Variants in PSMB1 observed in about 807,000 individuals in gnomAD.
PSMB1 encodes proteasome subunit beta type-1.
In PSMB1, 7 loss-of-function variants were observed where a neutral mutation model predicts 25.4. The observed-to-expected ratio is 0.28, with a 90% CI of 0.16 to 0.52. PSMB1 has a LOEUF of 0.52. Among genes scored for constraint, PSMB1 ranks in the 20% least tolerant of loss-of-function variants. PSMB1 has a pLI of 0.97. For synonymous variants in PSMB1, 119 were observed against 115.0 expected (o/e 1.03, Z -0.22); for missense variants, 284 against 302.2 (o/e 0.94, Z 0.45).
chr6:170,551,765 C>T (rs370184522), intron 1 of PSMB1, among the ~76,000 whole-genome samples: 60 of 152,342 alleles, frequency 3.9e-4, no homozygotes, highest in African/African-American at 1.3e-3. Flanking sequence ...CACACCAGCT[C>T]TCTGACCCTG....
chr6:170,537,166 G>A, intron 5 of PSMB1, 68 bp downstream of exon 5: 3 of 1,207,372 alleles, frequency 2.5e-6, no homozygotes, highest in South Asian at 2.5e-5. Flanking sequence ...GAACTTGGAG[G>A]AAGGCACTTC....
chr6:170,535,596 C>T (rs936528588), intron 5 of PSMB1, among the ~76,000 whole-genome samples, 191 bp from the exon 6 acceptor site: 3 of 152,154 alleles, frequency 2.0e-5, no homozygotes, highest in African/African-American at 4.8e-5. Context: ...AATCTGACAA[C>T]GATTCCCTGG....
At chr6:170,546,562 T>C (rs1778821148) in intron 2 of PSMB1, among the ~76,000 whole-genome samples, 1 of 152,084 alleles carries the variant, frequency 6.6e-6, no homozygotes, top group South Asian at 2.1e-4. Flanking sequence ...GCCTCCTGGG[T>C]TCAAGCAATT....
intron 1 of PSMB1, among the ~76,000 whole-genome samples, chr6:170,550,812 G>A (rs1412653089): frequency 2.0e-5 from 3 of 149,066 alleles, no homozygotes; most frequent in Non-Finnish European, 4.4e-5. Context: ...GAACTTAGAT[G>A]AACAGAATGA....
chr6:170,543,992 T>C (rs1778786511), intron 3 of PSMB1, among the ~76,000 whole-genome samples: 1 of 152,136 alleles, frequency 6.6e-6, no homozygotes, highest in Non-Finnish European at 1.5e-5. Context: ...AGAGCTAATG[T>C]GTATGAAAGG....
Position 170,547,932 on chromosome 6 carries a change from A to T in PSMB1, c.221+1074T>A, listed in dbSNP as rs561298010. Among the ~76,000 whole-genome samples, 105 of 151,822 alleles carry T rather than the reference A, an allele frequency of 6.9e-4. 1 individual carries two copies. The highest frequency in any genetic ancestry group is 2.5e-3 in the African/African-American group (104 of 41,156). On this transcript the variant is annotated intron_variant, in intron 2 of 5. Coordinates refer to ENST00000262193, the MANE Select transcript of PSMB1 (RefSeq NM_002793.4). ...TTCACCAGCAAACGTAACTAAAGCA[A>T]TATTTAAAAGATGAGTAAAAGCTAG...
At chr6:170,541,736 C>A (rs1019253421) in intron 4 of PSMB1, among the ~76,000 whole-genome samples, 1 of 152,176 alleles carries the variant, frequency 6.6e-6, no homozygotes, top group Non-Finnish European at 1.5e-5. Flanking sequence ...TCTAGAGACA[C>A]CTGAGGTTGT....
chr6:170,537,321 G>A lies in PSMB1; in HGVS notation c.453C>T (p.Ser151=). The part of the protein sequence containing the change: ...LDEEGKGAVY[S]FDPVGSYQRD... ...TCTGGTAAGACCCTACTGGATCAAA[G>A]CTGTATACAGCCCCCTTTCCTTAAA... Residue 151 remains serine, a synonymous_variant, in exon 5 of 6, where the codon AGC becomes AGT. Transcript: ENST00000262193. 4 of 1,613,806 alleles carry A rather than the reference G, an allele frequency of 2.5e-6. No individual in the cohort carries two copies. The highest frequency in any genetic ancestry group is 3.4e-6 in the Non-Finnish European group (4 of 1,179,746).
chr6:170,545,000 CA>C (rs1206136170), intron 3 of PSMB1, among the ~76,000 whole-genome samples: 2 of 151,878 alleles, frequency 1.3e-5, no homozygotes, highest in Non-Finnish European at 2.9e-5. Context: ...AAAAATTAGA[CA>C]GGGGTGGTGA....
At chr6:170,544,257 G>A (rs1472564486) in intron 3 of PSMB1, among the ~76,000 whole-genome samples, 2 of 152,150 alleles carry the variant, frequency 1.3e-5, no homozygotes, top group African/African-American at 4.8e-5. Flanking sequence ...AAACCTAGAT[G>A]TAAGTCCCTC....
At chr6:170,538,120 G>T (rs1434218162) in intron 4 of PSMB1, among the ~76,000 whole-genome samples, 1 of 152,178 alleles carries the variant, frequency 6.6e-6, no homozygotes, top group Non-Finnish European at 1.5e-5. Context: ...CTGAATTAGA[G>T]GCAAGAAAAG....
At chr6:170,537,457 C>G (rs1199029410) in intron 4 of PSMB1, 117 bp from the exon 5 acceptor site, 1 of 749,442 alleles carries the variant, frequency 1.3e-6, no homozygotes, top group East Asian at 2.7e-5. Context: ...GCTAAAACTT[C>G]AGGGAACAGT....
rs377457915 is a variant in PSMB1 at position 170,553,285 on chromosome 6, C to A, written c.-43G>T. 3 of 1,465,280 alleles carry A rather than the reference C, an allele frequency of 2.0e-6. No individual in the cohort carries two copies. Among genetic ancestry groups the A allele is most frequent in the East Asian group, 4.7e-5 (2 of 42,340 alleles). 90.8% of individuals were successfully genotyped at this position (1,465,280 alleles called of 1,614,324 possible). On this transcript the variant is annotated 5_prime_UTR_variant, in exon 1 of 6. Coordinates refer to ENST00000262193, the MANE Select transcript of PSMB1 (RefSeq NM_002793.4). ...GGATCCGACACTTGCTGTCTCACGG[C>A]GAGATGGCTGCCTTGACCGGACGTT...
intron 4 of PSMB1, among the ~76,000 whole-genome samples, chr6:170,540,112 C>A (rs973611286): frequency 2.6e-5 from 4 of 152,070 alleles, no homozygotes; most frequent in African/African-American, 9.7e-5. Flanking sequence ...ATGAGAGCAG[C>A]TAAGAGATTA....
chr6:170,546,224 A>T (rs778567632), intron 2 of PSMB1, 40 bp from the exon 3 acceptor site: 1 of 1,520,720 alleles, frequency 6.6e-7, no homozygotes. Flanking sequence ...CTGGTTAGAT[A>T]GTAGAGCAAA....
In PSMB1 at chr6:170,546,149, T is replaced by C. The variant is rs1778815311; in HGVS notation, c.257A>G (p.His86Arg). ...CTTTGTCAGCGTAAGACAGTCTCCA[T>C]GAAAACCGCTGCATCCAATGACTGT... ...DKTVIGCSGF[H>R]GDCLTLTKII... Residue 86 changes from histidine to arginine, a missense_variant, in exon 3 of 6, where the codon CAT becomes CGT. By Grantham distance (29) the His-to-Arg change is conservative. Transcript: ENST00000262193. The C allele has an allele frequency of 8.1e-6, 13 of 1,614,006 alleles. No homozygotes were observed. Among genetic ancestry groups the C allele is most frequent in the African/African-American group, 8.0e-5 (6 of 75,062 alleles).
At chr6:170,537,168 AG>A in intron 5 of PSMB1, 65 bp downstream of exon 5, 1 of 1,218,560 alleles carries the variant, frequency 8.2e-7, no homozygotes, top group South Asian at 1.2e-5. Flanking sequence ...ACTTGGAGGA[AG>A]GCACTTCAAC....
At position 170,549,104 on chromosome 6, in the gene PSMB1, C is replaced by T. The variant is rs759076240; in HGVS notation, c.123G>A (p.Leu41=). ...SPYVFNGGTI[L]AIAGEDFAIV... ...TTGCAAAATCTTCTCCAGCAATTGC[C>T]AGTATAGTACTGAGGAAAAAAGAAA... The change falls in exon 2 of 6, where the codon CTG becomes CTA. Residue 41 remains leucine, a synonymous_variant. Transcript: ENST00000262193. The T allele has an allele frequency of 5.0e-6, 8 of 1,608,248 alleles. No individual in the cohort carries two copies. Among genetic ancestry groups the T allele is most frequent in the Admixed American group, 1.7e-5 (1 of 59,974 alleles).
At chr6:170,542,332 A>AGCTT (rs1229675810) in intron 4 of PSMB1, among the ~76,000 whole-genome samples, 2 of 151,982 alleles carry the variant, frequency 1.3e-5, no homozygotes, top group Non-Finnish European at 2.9e-5. Flanking sequence ...GCTGAAATGA[A>AGCTT]GCTTGACCCT....
Sources: allele counts gnomAD v4.1 joint callset (sites outside exome capture counted in the v4.1 genomes callset), GRCh38; gene constraint gnomAD v4.1.1; transcripts MANE v1.5; gene names NCBI Gene and HGNC (gene_info 2026-07-23, HGNC 2026-07-21).